The following ATP10D variants were observed in gnomAD, a reference collection of about 807,000 sequenced individuals.
The protein encoded by ATP10D is phospholipid-transporting ATPase VD.
ATP10D carries 89 observed loss-of-function variants against 144.8 expected under a neutral mutation model. The observed-to-expected ratio is 0.61, with a 90% CI of 0.52 to 0.73. The LOEUF is 0.73. Among genes scored for constraint, ATP10D ranks in the 30% least tolerant of loss-of-function variants. The pLI, the probability that ATP10D is intolerant of heterozygous loss-of-function variation, is 0.00. For missense variants in ATP10D, 1,603 were observed against 1,714.8 expected, an observed-to-expected ratio of 0.93 and a Z score of 1.15; for synonymous variants, 571 against 615.1, an observed-to-expected ratio of 0.93 and a Z score of 1.06.
At position 47,592,484 on chromosome 4, in the gene ATP10D, T is replaced by C. The variant is rs1230339399; in HGVS notation, c.*1103T>C. ...GTTTACTCCTATTGCGAATCATGTA[T>C]GCTGGCTTTAGTTGTAACAAACGAT... On this transcript the variant is annotated 3_prime_UTR_variant, in exon 23 of 23. Transcript: ENST00000273859. The C allele has an allele frequency of 2.0e-5, 3 of 152,596 alleles. No individual in the cohort carries two copies. The highest frequency in any genetic ancestry group is 4.4e-5 in the Non-Finnish European group (3 of 68,000). 9.5% of individuals were successfully genotyped at this position (152,596 alleles called of 1,614,324 possible).
intron 9 of ATP10D, among the ~76,000 whole-genome samples, chr4:47,545,486 G>A (rs1273530084): frequency 3.3e-5 from 5 of 152,218 alleles, no homozygotes; most frequent in Admixed American, 3.3e-4. Context: ...TGGTCCAGTT[G>A]AGAGATGATG....
intron 21 of ATP10D, among the ~76,000 whole-genome samples, chr4:47,582,368 T>A (rs17462333): frequency 0.13 from 20,287 of 152,206 alleles, 1,667 homozygotes; most frequent in South Asian, 0.23. Flanking sequence ...AGCTGATTAC[T>A]TTTAGTGAAA....
At chr4:47,538,460 T>C (rs1717958653) in intron 9 of ATP10D, among the ~76,000 whole-genome samples, 1 of 152,196 alleles carries the variant, frequency 6.6e-6, no homozygotes, top group African/African-American at 2.4e-5. Flanking sequence ...TATTTTTCTG[T>C]TTCATTATTT....
intron 1 of ATP10D, among the ~76,000 whole-genome samples, chr4:47,507,426 GAA>G (rs1322893653): frequency 6.6e-6 from 1 of 152,122 alleles, no homozygotes; most frequent in Non-Finnish European, 1.5e-5. Flanking sequence ...CACTAGAAGA[GAA>G]AATAATGCCC....
intron 11 of ATP10D, among the ~76,000 whole-genome samples, chr4:47,556,389 G>T (rs967625484): frequency 6.6e-6 from 1 of 152,164 alleles, no homozygotes; most frequent in South Asian, 2.1e-4. Context: ...ACGTGATTAT[G>T]CAGTTACAGA....
intron 18 of ATP10D, among the ~76,000 whole-genome samples, chr4:47,575,777 A>G (rs933015967): frequency 2.0e-5 from 3 of 151,890 alleles, no homozygotes; most frequent in African/African-American, 7.3e-5. Flanking sequence ...TGTAAACAAC[A>G]TTTCTTCCCC....
rs1560431340 is a variant in ATP10D, at chr4:47,536,804, GA to G, written c.1263del (p.Ala422ProfsTer2). 1.2e-6 allele frequency: 2 copies of G among 1,613,022 alleles called. No homozygotes were observed. Among genetic ancestry groups the G allele is most frequent in the Non-Finnish European group, 1.7e-6 (2 of 1,179,536 alleles). ...AAAATGGATTCTATTGTTCAGTGCC[GA>G]GCCCTGAACATCGCCGAGGATCTGG... is the stretch of plus-strand genomic sequence containing the variant. ...NEKMDSIVQC[R>X]ALNIAEDLGQ... On this transcript the variant is annotated frameshift_variant, in exon 9 of 23. Transcript: ENST00000273859. LOFTEE classifies it high-confidence loss of function.
chr4:47,533,286 C>T (rs1295968589), intron 5 of ATP10D, among the ~76,000 whole-genome samples: 1 of 152,070 alleles, frequency 6.6e-6, no homozygotes, highest in Non-Finnish European at 1.5e-5. Context: ...GACTTCATTT[C>T]CTCATCTGTA....
chr4:47,528,509 GTGTGTA>G (rs1423550886), intron 5 of ATP10D, among the ~76,000 whole-genome samples: 1 of 57,700 alleles, frequency 1.7e-5, no homozygotes, highest in African/African-American at 7.4e-5. Flanking sequence ...GTGTGTGTGT[GTGTGTA>G]TATATATATA....
chr4:47,512,356 T>G, intron 1 of ATP10D, 148 bp from the exon 2 acceptor site: 1 of 543,270 alleles, frequency 1.8e-6, no homozygotes, highest in South Asian at 3.0e-5. Flanking sequence ...TTGGTTAAAA[T>G]GGAGTTCTAA....
At chr4:47,562,381 A>T (rs183244456) in intron 14 of ATP10D, among the ~76,000 whole-genome samples, 4 of 152,348 alleles carry the variant, frequency 2.6e-5, no homozygotes, top group Admixed American at 2.6e-4. Flanking sequence ...TTTAAAGGAC[A>T]TGAACAGACA....
At chr4:47,588,597 T>G (rs1720892459) in intron 22 of ATP10D, among the ~76,000 whole-genome samples, 1 of 152,182 alleles carries the variant, frequency 6.6e-6, no homozygotes, top group Non-Finnish European at 1.5e-5. Flanking sequence ...CCCGCTCTGA[T>G]CTGTAGCTGT....
intron 1 of ATP10D, among the ~76,000 whole-genome samples, chr4:47,491,667 G>T (rs1300987721): frequency 6.6e-6 from 1 of 152,082 alleles, no homozygotes; most frequent in Non-Finnish European, 1.5e-5. Flanking sequence ...TGAAACTGCT[G>T]CCATATTGAA....
intron 18 of ATP10D, among the ~76,000 whole-genome samples, chr4:47,575,761 G>A (rs751885930): frequency 6.6e-6 from 1 of 152,102 alleles, no homozygotes; most frequent in Non-Finnish European, 1.5e-5. Context: ...CCACAGACAG[G>A]TGGCTTGTAA....
intron 16 of ATP10D, among the ~76,000 whole-genome samples, chr4:47,569,356 T>C (rs1210883020): frequency 6.6e-6 from 1 of 151,784 alleles, no homozygotes; most frequent in Non-Finnish European, 1.5e-5. Flanking sequence ...GGATGTGACA[T>C]GGTAAACAAT....
At chr4:47,590,966 C>A (rs893162782) in intron 22 of ATP10D, 76 bp from the exon 23 acceptor site, 3 of 1,097,248 alleles carry the variant, frequency 2.7e-6, no homozygotes, top group Admixed American at 2.8e-5. Context: ...TTTTTTAATT[C>A]GTTAGTATTT....
rs139768206 is a variant in ATP10D, at chr4:47,558,027, G to A, written c.2188G>A (p.Glu730Lys). ...NLCYEAESPD[E>K]AALVYAARAY... is the part of the protein sequence containing the mutation. ...GTGTTATGAGGCCGAGAGCCCAGAC[G>A]AAGCGGCCTTAGTGTATGCCGCCAG... is the stretch of plus-strand genomic sequence containing the variant. Residue 730 changes from glutamate (E) to lysine (K), a missense_variant, in exon 12 of 23, where the codon GAA becomes AAA. Physicochemically the swap from Glu to Lys is moderately conservative, Grantham distance 56 (BLOSUM62 1). Coordinates refer to ENST00000273859, the MANE Select transcript of ATP10D (RefSeq NM_020453.4). 4.3e-6 allele frequency: 7 copies of A among 1,614,070 alleles called. No individual in the cohort carries two copies. Among genetic ancestry groups the A allele is most frequent in the African/African-American group, 1.3e-5 (1 of 74,920 alleles).
At chr4:47,562,284 T>C (rs1473720600) in intron 14 of ATP10D, among the ~76,000 whole-genome samples, 1 of 152,160 alleles carries the variant, frequency 6.6e-6, no homozygotes, top group Non-Finnish European at 1.5e-5. Flanking sequence ...CCCAATTGTT[T>C]CAGAAAAGGG....
intron 1 of ATP10D, 95 bp from the exon 2 acceptor site, chr4:47,512,409 C>A: frequency 3.9e-6 from 3 of 777,684 alleles, no homozygotes; most frequent in Non-Finnish European, 6.0e-6. Flanking sequence ...ACCATTGGGT[C>A]ATATATTTAT....
Sources: allele counts gnomAD v4.1 joint callset (sites outside exome capture counted in the v4.1 genomes callset), GRCh38; gene constraint gnomAD v4.1.1; transcripts MANE v1.5; gene names NCBI Gene and HGNC (gene_info 2026-07-23, HGNC 2026-07-21).